Variants in TRIM5 observed in about 807,000 individuals in gnomAD.
The protein encoded by TRIM5 is tripartite motif containing 5, also known as tripartite motif-containing protein 5.
In TRIM5, 31 loss-of-function variants were observed where a neutral mutation model predicts 35.6. The observed-to-expected ratio is 0.87, with a 90% CI of 0.65 to 1.18. The LOEUF is 1.18. TRIM5 is among the 50% of genes most tolerant of loss of function. TRIM5 has a pLI of 0.00. For synonymous variants in TRIM5, 243 were observed against 215.6 expected (o/e 1.13, Z -1.11); for missense variants, 609 against 591.6 (o/e 1.03, Z -0.31).
the TRIM5 span, among the ~76,000 whole-genome samples, chr11:5,650,033 A>C: frequency 6.6e-6 from 1 of 152,308 alleles, no homozygotes; most frequent in South Asian, 2.1e-4. Flanking sequence ...ATTTCCTATG[A>C]AGTGAGTTCC....
chr11:5,664,678 GA>G lies in TRIM5; in HGVS notation c.*130del. 6.9e-7 allele frequency: 1 copy of G among 1,455,074 alleles called. No individual in the cohort carries two copies. Among genetic ancestry groups the G allele is most frequent in the South Asian group, 1.6e-5 (1 of 63,650 alleles). 90.1% of individuals were successfully genotyped at this position (1,455,074 alleles called of 1,614,324 possible). On this transcript the variant is annotated 3_prime_UTR_variant, in exon 8 of 8. Coordinates refer to ENST00000380034, the MANE Select transcript of TRIM5 (RefSeq NM_033034.3). Reference sequence around the variant, plus strand: ...CAATTATTACATTTTACTGATGAGTGAAGGACGTTCAAATAGAAAGAAGGGA... The same window carrying G: ...CAATTATTACATTTTACTGATGAGTGAGGACGTTCAAATAGAAAGAAGGGA...
At chr11:5,678,509 C>G in intron 3 of TRIM5, 75 bp from the exon 4 acceptor site, 1 of 1,270,126 alleles carries the variant, frequency 7.9e-7, no homozygotes. Flanking sequence ...GGAGCTGTTT[C>G]TTTTGGGGAG....
the TRIM5 span, among the ~76,000 whole-genome samples, chr11:5,648,706 A>C: frequency 6.6e-6 from 1 of 152,286 alleles, no homozygotes; most frequent in African/African-American, 2.4e-5. Context: ...AAGTAGAAAC[A>C]GTTTTCACCC....
chr11:5,678,217 A>G lies in TRIM5; in HGVS notation c.731T>C (p.Met244Thr). The change falls in exon 4 of 8, where the codon ATG (methionine) becomes ACG (threonine). Residue 244 changes from methionine (M) to threonine (T), a missense_variant. Physicochemically the swap from Met to Thr is moderately conservative, Grantham distance 81. Coordinates refer to ENST00000380034, the MANE Select transcript of TRIM5 (RefSeq NM_033034.3). The stretch of plus-strand genomic sequence containing the variant: ...TCCACTTTTTACCTGAAGCAGCTCC[A>G]TCACTGACCCCTGCAGCCGATGCTC... ...DLEHRLQGSV[M>T]ELLQGVDGVI... 1.9e-6 allele frequency: 3 copies of G among 1,610,034 alleles called. No individual in the cohort carries two copies. Among genetic ancestry groups the G allele is most frequent in the Non-Finnish European group, 2.5e-6 (3 of 1,177,122 alleles).
chr11:5,605,317 T>C, the TRIM5 span: 1 of 1,613,814 alleles, frequency 6.2e-7, no homozygotes, highest in East Asian at 2.2e-5. Flanking sequence ...GCAGCCTCTT[T>C]TTCTTCCCTG....
chr11:5,666,416 A>T (rs1053611129), intron 5 of TRIM5: 14 of 249,786 alleles, frequency 5.6e-5, no homozygotes, highest in Admixed American at 2.1e-4. Flanking sequence ...AAACAAAACA[A>T]AACTTTGGTG....
chr11:5,632,973 C>G, the TRIM5 span, among the ~76,000 whole-genome samples: 14 of 147,754 alleles, frequency 9.5e-5, no homozygotes, highest in African/African-American at 3.2e-4. Flanking sequence ...ATTACAGGCG[C>G]CTGCCACCGC....
chr11:5,633,153 T>C, the TRIM5 span, among the ~76,000 whole-genome samples: 288 of 148,568 alleles, frequency 1.9e-3, no homozygotes, highest in African/African-American at 6.8e-3. Flanking sequence ...TTTCTTTTTT[T>C]TTTTTTTTTT....
the TRIM5 span, chr11:5,597,052 C>A: frequency 7.1e-7 from 1 of 1,415,712 alleles, no homozygotes; most frequent in South Asian, 1.3e-5. Context: ...CAAATGACCC[C>A]ACTGAGGTTA....
the TRIM5 span, among the ~76,000 whole-genome samples, chr11:5,619,005 A>G: frequency 6.6e-6 from 1 of 152,342 alleles, no homozygotes; most frequent in South Asian, 2.1e-4. Context: ...ATCCTGGAGA[A>G]AATGAAGAAT....
At chr11:5,592,337 A>G in the TRIM5 span, among the ~76,000 whole-genome samples, 1 of 152,164 alleles carries the variant, frequency 6.6e-6, no homozygotes, top group South Asian at 2.1e-4. Context: ...TAAGTACTCC[A>G]CATATACTTG....
At chr11:5,653,632 G>C in the TRIM5 span, among the ~76,000 whole-genome samples, 1 of 151,436 alleles carries the variant, frequency 6.6e-6, no homozygotes, top group Non-Finnish European at 1.5e-5. Context: ...GCTGGGATTA[G>C]AAGTGCGCAC....
chr11:5,652,503 T>C, the TRIM5 span, among the ~76,000 whole-genome samples: 3 of 152,140 alleles, frequency 2.0e-5, no homozygotes, highest in Non-Finnish European at 2.9e-5. Context: ...CCGGGCTCTG[T>C]GTTCTATTCC....
Position 5,665,152 on chromosome 11 carries a change from T to C in TRIM5, c.1139A>G (p.Gln380Arg). 6.2e-7 allele frequency: 1 copy of C among 1,614,170 alleles called. No individual in the cohort carries two copies. Among genetic ancestry groups the C allele is most frequent in the South Asian group, 1.1e-5 (1 of 91,086 alleles). ...TTCAATATTACACATTGCATCAGGT[T>C]GGAAGCCAGCACATACCCCCAGGAT... ...AWILGVCAGF[Q>R]PDAMCNIEKN... The change falls in exon 8 of 8, where the codon CAA becomes CGA. Residue 380 changes from glutamine to arginine, a missense_variant. By Grantham distance (43) the Gln-to-Arg change is conservative. Transcript: ENST00000380034.
At chr11:5,622,306 G>A in the TRIM5 span, among the ~76,000 whole-genome samples, 8 of 152,064 alleles carry the variant, frequency 5.3e-5, no homozygotes, top group East Asian at 1.9e-4. Flanking sequence ...TTAGCCGGGC[G>A]TTGTGGCAGG....
At chr11:5,651,595 G>A in the TRIM5 span, among the ~76,000 whole-genome samples, 1 of 152,116 alleles carries the variant, frequency 6.6e-6, no homozygotes, top group African/African-American at 2.4e-5. Context: ...ATGGTGCTGT[G>A]ATGAATGTAC....
intron 1 of TRIM5, among the ~76,000 whole-genome samples, chr11:5,683,785 G>A (rs554118431): frequency 6.6e-6 from 1 of 152,276 alleles, no homozygotes; most frequent in South Asian, 2.1e-4. Context: ...CAGACCACTC[G>A]GCTCTCTGTA....
chr11:5,591,567 G>GA, the TRIM5 span, among the ~76,000 whole-genome samples: 1 of 152,092 alleles, frequency 6.6e-6, no homozygotes, highest in Non-Finnish European at 1.5e-5. Flanking sequence ...AGAATCGCTT[G>GA]AACCTGGGAG....
chr11:5,641,256 T>C, the TRIM5 span: 181 of 1,610,022 alleles, frequency 1.1e-4, no homozygotes, highest in Middle Eastern at 9.9e-4. Context: ...ATTAGAGTTA[T>C]TTGGTGGTCA....
Sources: gnomAD v4.1 joint callset for allele counts (sites outside exome capture counted in the v4.1 genomes callset) on GRCh38, gnomAD v4.1.1 for gene constraint, MANE v1.5 for transcripts, NCBI Gene and HGNC (gene_info 2026-07-23, HGNC 2026-07-21) for gene names.